HPD: variants seen among roughly 807,000 people sequenced by gnomAD.
HPD encodes 4-hydroxyphenylpyruvate dioxygenase, also known as 4-hydroxyphenylpyruvic acid oxidase.
A neutral mutation model predicts 56.9 loss-of-function variants in HPD; 35 were observed. The ratio of observed to expected loss-of-function variants is 0.62; its 90% CI spans 0.47 to 0.82. The LOEUF (loss-of-function observed/expected upper bound fraction) is 0.82, where lower values mean the gene tolerates loss of function less well. Among genes scored for constraint, HPD ranks in the 40% least tolerant of loss-of-function variants. HPD has a pLI of 0.00. For missense variants in HPD, 442 were observed against 506.8 expected (o/e 0.87, Z 1.23); for synonymous variants, 186 against 200.2 (o/e 0.93, Z 0.60).
chr12:121,873,036 T>C, the HPD span, among the ~76,000 whole-genome samples: 1 of 152,116 alleles, frequency 6.6e-6, no homozygotes, highest in Admixed American at 6.6e-5. Context: ...TCTGTGAGCA[T>C]GTATTCACTG....
At chr12:121,849,333 C>A (rs147865160) in intron 8 of HPD, among the ~76,000 whole-genome samples, 1 of 152,058 alleles carries the variant, frequency 6.6e-6, no homozygotes, top group African/African-American at 2.4e-5. Flanking sequence ...CCTGGACTCA[C>A]ACTTATGTAG....
chr12:121,847,300 C>T (rs1372216786), intron 9 of HPD, 86 bp from the exon 10 acceptor site: 3 of 1,260,434 alleles, frequency 2.4e-6, no homozygotes. Context: ...AGAATCTGTC[C>T]CTGAGCAGGC....
At chr12:121,861,211 C>T (rs1878164136), upstream of HPD, among the ~76,000 whole-genome samples, 1 of 151,940 alleles carries the variant, frequency 6.6e-6, no homozygotes, top group East Asian at 1.9e-4. Flanking sequence ...TGGCAGGCAC[C>T]TGTAGTCCCA....
intron 8 of HPD, 70 bp downstream of exon 8, chr12:121,849,617 G>C: frequency 2.0e-6 from 2 of 1,019,656 alleles, no homozygotes; most frequent in Non-Finnish European, 3.1e-6. Context: ...CAGTGGACAT[G>C]GAGGAAGGGG....
intron 12 of HPD, among the ~76,000 whole-genome samples, chr12:121,843,273 C>T (rs576016165): frequency 1.1e-4 from 16 of 152,316 alleles, no homozygotes; most frequent in Admixed American, 2.0e-4. Flanking sequence ...CCTAGGTCAT[C>T]GCTCAAAAAC....
At position 121,857,780 on chromosome 12, in the gene HPD, A is replaced by G; in HGVS notation, c.70T>C (p.Phe24Leu). 1 of 1,614,072 alleles carries G rather than the reference A, an allele frequency of 6.2e-7. No individual in the cohort carries two copies. Among genetic ancestry groups the G allele is most frequent in the Non-Finnish European group, 8.5e-7 (1 of 1,179,948 alleles). ...ACCTGCTTGGCGTTGCCAACCCAGA[A>G]GGTCACAGAGTGGAAGTGGAGGAAT... ...GRFLHFHSVTFWVGNAKQATS... is the reference protein window; with the variant it reads ...GRFLHFHSVTLWVGNAKQATS... The change falls in exon 3 of 14, where the codon TTC becomes CTC. Residue 24 changes from phenylalanine to leucine, a missense_variant. Physicochemically the swap from Phe to Leu is conservative, Grantham distance 22 (BLOSUM62 0). Transcript: ENST00000289004.
the HPD span, among the ~76,000 whole-genome samples, chr12:121,878,014 C>T: frequency 2.0e-5 from 3 of 152,300 alleles, no homozygotes; most frequent in African/African-American, 7.2e-5. Flanking sequence ...GGCTGCCGGG[C>T]TCTGCGGGGA....
the HPD span, among the ~76,000 whole-genome samples, chr12:121,880,016 G>A: frequency 6.6e-6 from 1 of 151,936 alleles, no homozygotes; most frequent in African/African-American, 2.4e-5. Context: ...GTGTGGTGGT[G>A]TATGTATATG....
At chr12:121,879,045 G>A in the HPD span, among the ~76,000 whole-genome samples, 5 of 152,128 alleles carry the variant, frequency 3.3e-5, no homozygotes, top group Admixed American at 2.6e-4. Context: ...AGCACTTTGG[G>A]AGGCTGAGGC....
the HPD span, among the ~76,000 whole-genome samples, chr12:121,888,142 T>C: frequency 6.6e-6 from 1 of 152,210 alleles, no homozygotes; most frequent in East Asian, 1.9e-4. Context: ...AAATAAACAC[T>C]GTTACCGTTA....
chr12:121,852,926 C>T (rs1877859768), intron 7 of HPD, among the ~76,000 whole-genome samples: 1 of 152,100 alleles, frequency 6.6e-6, no homozygotes, highest in African/African-American at 2.4e-5. Flanking sequence ...GCCACTGCGC[C>T]CAGTTCTCAT....
rs1877610210 is a variant in HPD at position 121,847,046 on chromosome 12, C to T, written c.759+6G>A. Reference sequence around the variant, plus strand: ...TCCCCTCTCCCCCAGCCAGGGGCGGCCTCACCTGGATCTGGGACTTCTTCT... The same window carrying T: ...TCCCCTCTCCCCCAGCCAGGGGCGGTCTCACCTGGATCTGGGACTTCTTCT... On this transcript the variant is annotated splice_donor_region_variant and intron_variant, in intron 10 of 13. Coordinates refer to ENST00000289004, the MANE Select transcript of HPD (RefSeq NM_002150.3). 1.2e-6 allele frequency: 2 copies of T among 1,614,032 alleles called. No homozygotes were observed. Among genetic ancestry groups the T allele is most frequent in the East Asian group, 2.2e-5 (1 of 44,896 alleles).
At position 121,840,247 on chromosome 12, in the gene HPD, C is replaced by T. The variant is rs577094009; in HGVS notation, c.955-199G>A. ...TAAGGCACCATTCAAGACTGCTGCC[C>T]GCTTCTAATCTTGTATCCTTACAAT... On this transcript the variant is annotated intron_variant, in intron 12 of 13. Transcript: ENST00000289004. Among the ~76,000 whole-genome samples the T allele has an allele frequency of 3.3e-5, 5 of 152,236 alleles. 1 individual carries two copies. In the East Asian group the frequency reaches 7.7e-4, roughly 23 times the overall value.
upstream of HPD, among the ~76,000 whole-genome samples, chr12:121,864,576 G>A (rs1272516319): frequency 7.3e-5 from 10 of 136,498 alleles, no homozygotes; most frequent in Non-Finnish European, 1.4e-4. Context: ...AAAAATGGCC[G>A]GGCGCAGTGG....
intron 9 of HPD, 134 bp downstream of exon 9, chr12:121,848,865 C>T: frequency 1.3e-6 from 1 of 792,768 alleles, no homozygotes; most frequent in Non-Finnish European, 2.2e-6. Flanking sequence ...CTCGGCTTCC[C>T]AGAATGCTGG....
At chr12:121,867,536 C>T (rs914451145), upstream of HPD, among the ~76,000 whole-genome samples, 11 of 151,324 alleles carry the variant, frequency 7.3e-5, no homozygotes, top group East Asian at 3.9e-4. Flanking sequence ...TTTTTTGAGA[C>T]GAATTCTCAC....
chr12:121,872,643 G>C, the HPD span, among the ~76,000 whole-genome samples: 2 of 151,926 alleles, frequency 1.3e-5, no homozygotes, highest in African/African-American at 4.8e-5. Context: ...AGCCAGGACT[G>C]GGCAGTGAGA....
chr12:121,886,722 T>C, the HPD span, among the ~76,000 whole-genome samples: 1 of 152,096 alleles, frequency 6.6e-6, no homozygotes, highest in Non-Finnish European at 1.5e-5. Flanking sequence ...TGCAACACCA[T>C]TATCTGACTG....
chr12:121,871,111 C>G, the HPD span, among the ~76,000 whole-genome samples: 4 of 151,972 alleles, frequency 2.6e-5, no homozygotes, highest in African/African-American at 9.7e-5. Context: ...GCTGTAATCC[C>G]CTCACTTTGG....
Sources: allele counts gnomAD v4.1 joint callset (sites outside exome capture counted in the v4.1 genomes callset), GRCh38; gene constraint gnomAD v4.1.1; transcripts MANE v1.5; gene names NCBI Gene and HGNC (gene_info 2026-07-23, HGNC 2026-07-21).